KIF18B: variants seen among roughly 807,000 people sequenced by gnomAD.
KIF18B encodes kinesin-like protein KIF18B.
KIF18B carries 49 observed loss-of-function variants against 80.9 expected under a neutral mutation model. The observed-to-expected ratio is 0.61, with a 90% confidence interval of 0.48 to 0.77. The LOEUF is 0.77. Among genes scored for constraint, KIF18B ranks in the 30% least tolerant of loss-of-function variants. The probability of loss-of-function intolerance (pLI) is 0.00; values close to 1 mark genes in which losing one functional copy is unlikely to be tolerated. For missense variants in KIF18B, 994 were observed against 1,127.7 expected (o/e 0.88, Z 1.70); for synonymous variants, 439 against 463.9 (o/e 0.95, Z 0.69).
In KIF18B at chr17:44,925,793, ACAAAAAACAAAAACCAC is replaced by A; in HGVS notation, c.*270_*286del. On this transcript the variant is annotated 3_prime_UTR_variant, in exon 16 of 16. Transcript: ENST00000593135. Reference sequence around the variant, plus strand: ...AAGACTCCATCTCAAAACAAAAAAAACAAAAAACAAAAACCACCAAAAAACAAAAAACAGCAGCACAT... The same window carrying A: ...AAGACTCCATCTCAAAACAAAAAAAACAAAAAACAAAAAACAGCAGCACAT... The A allele has an allele frequency of 2.2e-6, 1 of 449,656 alleles. No individual in the cohort carries two copies. The highest frequency in any genetic ancestry group is 2.5e-5 in the South Asian group (1 of 40,258). The allele number at this position is 449,656 out of a possible 1,614,324, so 27.9% of individuals were successfully genotyped here.
At chr17:44,932,560 G>A (rs986217774) in intron 9 of KIF18B, 113 bp downstream of exon 9, 2 of 719,994 alleles carry the variant, frequency 2.8e-6, no homozygotes, top group African/African-American at 3.5e-5. Flanking sequence ...CTTAACCCTA[G>A]GGATTGGAGC....
chr17:44,937,619 ACT>A (rs2052335178), intron 1 of KIF18B, among the ~76,000 whole-genome samples: 1 of 151,790 alleles, frequency 6.6e-6, no homozygotes, highest in South Asian at 2.1e-4. Flanking sequence ...CCATCCCCAA[ACT>A]CTCTTATTAA....
In KIF18B at chr17:44,928,043, G is replaced by A. The variant is rs908974221; in HGVS notation, c.2259C>T (p.Asp753=). ...DKIPQELSRL[D]QPFIPRAPVP... ...AGACCCACCTGGGGATGAAGGGCTG[G>A]TCCAGCCTGCTCAGCTCCTGGGGTA... is the stretch of plus-strand genomic sequence containing the variant. The change falls in exon 13 of 16, where the codon GAC becomes GAT. Residue 753 remains aspartate, a synonymous_variant. Transcript: ENST00000593135. The A allele has an allele frequency of 2.0e-6, 3 of 1,523,796 alleles. No homozygotes were observed. Among genetic ancestry groups the A allele is most frequent in the Non-Finnish European group, 2.6e-6 (3 of 1,136,468 alleles). The allele number at this position is 1,523,796 out of a possible 1,614,324, so 94.4% of individuals were successfully genotyped here. A position where few individuals can be genotyped will look rare whatever the true frequency, so the allele number is the denominator to read the frequency against.
intron 14 of KIF18B, 138 bp downstream of exon 14, chr17:44,926,851 C>T (rs2052038716): frequency 2.7e-6 from 2 of 742,052 alleles, no homozygotes; most frequent in Non-Finnish European, 4.5e-6. Context: ...AGATGCGGGC[C>T]CTGCTCACAG....
chr17:44,928,577 G>C lies in KIF18B; in HGVS notation c.1725C>G (p.Ile575Met), dbSNP rs2052081582. 1 of 1,449,338 alleles carries C rather than the reference G, an allele frequency of 6.9e-7. No individual in the cohort carries two copies. Among genetic ancestry groups the C allele is most frequent in the Admixed American group, 2.8e-5 (1 of 35,420 alleles). The allele number at this position is 1,449,338 out of a possible 1,614,324, so 89.8% of individuals were successfully genotyped here. The change falls in exon 13 of 16, where the codon ATC (isoleucine) becomes ATG (methionine). Residue 575 changes from isoleucine (I) to methionine (M), a missense_variant and splice_region_variant. Transcript: ENST00000593135. ...CTGGGCAGAGAGGAGACGGCACAGGGACTGCACAGAAGGAAGGAGAGTTTG... is the reference window on the plus strand; with the variant it reads ...CTGGGCAGAGAGGAGACGGCACAGGCACTGCACAGAAGGAAGGAGAGTTTG... The part of the protein sequence containing the change: ...PLAQELCSES[I>M]PVPSPLCPEP...
intron 1 of KIF18B, among the ~76,000 whole-genome samples, chr17:44,945,141 C>A (rs1597900450): frequency 6.6e-6 from 1 of 152,178 alleles, no homozygotes; most frequent in Non-Finnish European, 1.5e-5. Flanking sequence ...GTCACTGCAG[C>A]CTCAACCTCC....
chr17:44,941,355 T>C (rs994637927), intron 1 of KIF18B, among the ~76,000 whole-genome samples: 1 of 151,300 alleles, frequency 6.6e-6, no homozygotes, highest in Non-Finnish European at 1.5e-5. Flanking sequence ...TTTTTTTTTT[T>C]TGAGACAGAG....
chr17:44,928,098 C>A lies in KIF18B; in HGVS notation c.2204G>T (p.Ser735Ile). 6.4e-7 allele frequency: 1 copy of A among 1,569,712 alleles called. No individual in the cohort carries two copies. The highest frequency in any genetic ancestry group is 1.2e-5 in the South Asian group (1 of 84,010). The change falls in exon 13 of 16, where the codon AGT becomes ATT. Residue 735 changes from serine to isoleucine, a missense_variant. By Grantham distance (142) the Ser-to-Ile change is moderately radical. Transcript: ENST00000593135. ...DLSEEPPSKPSFHECIGWDKI... is the reference protein window; with the variant it reads ...DLSEEPPSKPIFHECIGWDKI... ...GTCCCAGCCAATGCATTCATGGAAA[C>A]TGGGCTTTGAGGGAGGCTCCTCAGA...
chr17:44,944,909 C>T (rs2145753174), intron 1 of KIF18B, among the ~76,000 whole-genome samples: 1 of 152,282 alleles, frequency 6.6e-6, no homozygotes, highest in African/African-American at 2.4e-5. Flanking sequence ...AAGTATGTCC[C>T]TATTTTTGCT....
intron 7 of KIF18B, among the ~76,000 whole-genome samples, chr17:44,933,417 T>C (rs535618701): frequency 6.6e-6 from 1 of 152,194 alleles, no homozygotes; most frequent in Non-Finnish European, 1.5e-5. Flanking sequence ...ATCTTGCCCC[T>C]CTCAGCTGGT....
rs57130293 is a variant in KIF18B, at chr17:44,937,977, TACACACAC to T, written c.-14-1627_-14-1620del. Among the ~76,000 whole-genome samples, 537 of 144,022 alleles carry T rather than the reference TACACACAC, an allele frequency of 3.7e-3. 1 individual carries two copies. Among genetic ancestry groups the T allele is most frequent in the African/African-American group, 0.011 (444 of 39,228 alleles). 94.5% of individuals were successfully genotyped at this position (144,022 alleles called of 152,430 possible). On this transcript the variant is annotated intron_variant, in intron 1 of 15. Transcript: ENST00000593135. ...TATCAATGCTCTTTCAGCATCTCCA[TACACACAC>T]ACACACACACACACACACACACACA... is the stretch of plus-strand genomic sequence containing the variant.
intron 1 of KIF18B, among the ~76,000 whole-genome samples, chr17:44,938,623 G>A (rs2052355261): frequency 6.6e-6 from 1 of 152,140 alleles, no homozygotes; most frequent in Non-Finnish European, 1.5e-5. Flanking sequence ...TGAACTGTGT[G>A]AGGAAGTTTC....
In KIF18B at chr17:44,934,142, A is replaced by T; in HGVS notation, c.886-43T>A. On this transcript the variant is annotated intron_variant, in intron 6 of 15. Coordinates refer to ENST00000593135, the MANE Select transcript of KIF18B (RefSeq NM_001265577.2). The surrounding 1 kb of genome is among the most constrained non-coding windows in gnomAD (Gnocchi z 5.4). ...GGTGTGGGGTGAGGCGACTGATGGCACTGACCCAGGATGGGGCCCTGTGGC... is the reference window on the plus strand; with the variant it reads ...GGTGTGGGGTGAGGCGACTGATGGCTCTGACCCAGGATGGGGCCCTGTGGC... 1.2e-6 allele frequency: 2 copies of T among 1,605,460 alleles called. No homozygotes were observed. Among genetic ancestry groups the T allele is most frequent in the Non-Finnish European group, 1.7e-6 (2 of 1,175,808 alleles).
intron 12 of KIF18B, 39 bp downstream of exon 12, chr17:44,928,766 GCCTTGAAGACAGCA>G: frequency 8.9e-6 from 14 of 1,568,920 alleles, no homozygotes; most frequent in Non-Finnish European, 1.2e-5. Flanking sequence ...CCCCAGTGGG[GCCTTGAAGACAGCA>G]CCTTGAAGAC....
At position 44,936,230 on chromosome 17, in the gene KIF18B, C is replaced by T. The variant is rs1253866808; in HGVS notation, c.115G>A (p.Val39Met). The T allele has an allele frequency of 1.9e-6, 3 of 1,610,306 alleles. No individual in the cohort carries two copies. Among genetic ancestry groups the T allele is most frequent in the Non-Finnish European group, 2.5e-6 (3 of 1,178,818 alleles). Residue 39 changes from valine to methionine, a missense_variant, in exon 2 of 16, where the codon GTG (valine) becomes ATG (methionine). Physicochemically the swap from Val to Met is conservative, Grantham distance 21. Coordinates refer to ENST00000593135, the MANE Select transcript of KIF18B (RefSeq NM_001265577.2). ...VVQVVDERVL[V>M]FNPEEPDGGF... ...CCATCGGGCTCCTCAGGGTTAAACACCAGCACCCGCTCGTCCACCACCTGA... is the reference window on the plus strand; with the variant it reads ...CCATCGGGCTCCTCAGGGTTAAACATCAGCACCCGCTCGTCCACCACCTGA...
At chr17:44,936,438 TC>T in intron 1 of KIF18B, 80 bp from the exon 2 acceptor site, 1 of 1,193,780 alleles carries the variant, frequency 8.4e-7, no homozygotes, top group Non-Finnish European at 1.2e-6. Flanking sequence ...CAAGGTCCCC[TC>T]CACCCACTCC....
At chr17:44,929,063 C>T in intron 11 of KIF18B, 39 bp from the exon 12 acceptor site, 1 of 1,582,292 alleles carries the variant, frequency 6.3e-7, no homozygotes, top group Non-Finnish European at 8.7e-7. Context: ...CCTGCTCAGA[C>T]TCAGCCTGAC....
chr17:44,932,185 G>A lies in KIF18B; in HGVS notation c.1260C>T (p.Leu420=), dbSNP rs267604913. The stretch of plus-strand genomic sequence containing the variant: ...CTTGAAGGGCTCTAGGCCCTGCAGG[G>A]AGCTCTGGGGTGCAGGGCTGGCTGG... ...PPEHQPCTPE[L]PAGPRALQEE... The change falls in exon 10 of 16, where the codon CTC becomes CTT. Residue 420 remains leucine, a synonymous_variant. Coordinates refer to ENST00000593135, the MANE Select transcript of KIF18B (RefSeq NM_001265577.2). 2 of 1,609,338 alleles carry A rather than the reference G, an allele frequency of 1.2e-6. No individual in the cohort carries two copies. Among genetic ancestry groups the A allele is most frequent in the Non-Finnish European group, 1.7e-6 (2 of 1,177,272 alleles).
At chr17:44,935,965 A>G in intron 2 of KIF18B, 67 bp downstream of exon 2, 1 of 1,473,464 alleles carries the variant, frequency 6.8e-7, no homozygotes, top group Non-Finnish European at 9.4e-7. Context: ...CAGAAGACAC[A>G]TGAAACCCTT....
Sources: allele counts gnomAD v4.1 joint callset (sites outside exome capture counted in the v4.1 genomes callset), GRCh38; gene constraint gnomAD v4.1.1; non-coding constraint Gnocchi (gnomAD v3.1); transcripts MANE v1.5; gene names NCBI Gene and HGNC (gene_info 2026-07-23, HGNC 2026-07-21).